The following SV2C variants were observed in gnomAD, a reference collection of about 807,000 sequenced individuals.
The protein encoded by SV2C is synaptic vesicle glycoprotein 2C, also known as solute carrier family 22 member B3.
A neutral mutation model predicts 79.7 loss-of-function variants in SV2C; 49 were observed. The ratio of observed to expected loss-of-function variants is 0.61; its 90% confidence interval spans 0.49 to 0.78. The LOEUF (loss-of-function observed/expected upper bound fraction) is 0.78. Ranked by LOEUF, SV2C falls within the 30% of genes least tolerant of loss-of-function variation. The pLI is 0.00. For missense variants in SV2C, 833 were observed against 912.9 expected, an observed-to-expected ratio of 0.91 and a Z score of 1.13; for synonymous variants, 334 against 333.2, an observed-to-expected ratio of 1.00 and a Z score of -0.03.
At chr5:76,245,553 G>A (rs1349875234) in intron 4 of SV2C, among the ~76,000 whole-genome samples, 1 of 152,186 alleles carries the variant, frequency 6.6e-6, no homozygotes, top group African/African-American at 2.4e-5. Context: ...GTTCAAAAAT[G>A]TATTGATGTC....
At chr5:76,017,609 A>C in the SV2C span, among the ~76,000 whole-genome samples, 1 of 152,140 alleles carries the variant, frequency 6.6e-6, no homozygotes, top group East Asian at 1.9e-4. Flanking sequence ...GCATTTTAGC[A>C]TTTCCTCATT....
In SV2C at chr5:76,330,004, G is replaced by C. The variant is rs1404797395; in HGVS notation, c.*4457G>C. ...GGACTATATGTTTCTCACAGTTTTT[G>C]TTTATGCTCAGCAAAGTATGTATTT... On this transcript the variant is annotated 3_prime_UTR_variant, in exon 13 of 13. Coordinates refer to ENST00000502798, the MANE Select transcript of SV2C (RefSeq NM_014979.4). 3 of 149,016 alleles carry C rather than the reference G, an allele frequency of 2.0e-5. No individual in the cohort carries two copies. Among genetic ancestry groups the C allele is most frequent in the Non-Finnish European group, 4.4e-5 (3 of 67,534 alleles). 9.2% of individuals were successfully genotyped at this position (149,016 alleles called of 1,614,324 possible). A position where few individuals can be genotyped will look rare whatever the true frequency, so the allele number is the denominator to read the frequency against.
the SV2C span, among the ~76,000 whole-genome samples, chr5:75,871,699 T>G: frequency 6.6e-6 from 1 of 151,330 alleles, no homozygotes; most frequent in Admixed American, 6.6e-5. Context: ...TCCCAACTAT[T>G]AGGGAGGCTG....
chr5:76,142,665 G>T (rs1749293396), intron 2 of SV2C, among the ~76,000 whole-genome samples: 1 of 152,056 alleles, frequency 6.6e-6, no homozygotes, highest in Admixed American at 6.6e-5. Context: ...TTTTGTTTGG[G>T]ACATTTAGTT....
chr5:76,242,790 T>C (rs1745827935), intron 4 of SV2C, among the ~76,000 whole-genome samples: 1 of 151,788 alleles, frequency 6.6e-6, no homozygotes, highest in African/African-American at 2.4e-5. Flanking sequence ...CTCAGCACTT[T>C]AGGAGCCTGA....
chr5:76,043,894 T>C, the SV2C span, among the ~76,000 whole-genome samples: 1 of 152,146 alleles, frequency 6.6e-6, no homozygotes, highest in Non-Finnish European at 1.5e-5. Flanking sequence ...TCATTTTTCT[T>C]TTTCTAATTT....
chr5:76,053,951 T>C, the SV2C span, among the ~76,000 whole-genome samples: 1 of 152,080 alleles, frequency 6.6e-6, no homozygotes, highest in East Asian at 1.9e-4. Flanking sequence ...TTATAATTTT[T>C]TTAATGGTTA....
chr5:75,940,906 GCCTAGGAT>G, the SV2C span, among the ~76,000 whole-genome samples: 1 of 152,168 alleles, frequency 6.6e-6, no homozygotes. Flanking sequence ...TTCACCACTT[GCCTAGGAT>G]CCTAAAGCTC....
intron 4 of SV2C, among the ~76,000 whole-genome samples, chr5:76,279,050 G>A (rs1231366134): frequency 6.6e-6 from 1 of 152,154 alleles, no homozygotes. Flanking sequence ...TGAACATTGG[G>A]GATTGTGAGG....
the SV2C span, among the ~76,000 whole-genome samples, chr5:75,889,032 C>T: frequency 7.2e-5 from 11 of 152,056 alleles, no homozygotes; most frequent in Admixed American, 7.2e-4. Context: ...GTAATCTTCT[C>T]TTCTTATAAG....
At chr5:76,069,636 A>G in the SV2C span, among the ~76,000 whole-genome samples, 23 of 152,206 alleles carry the variant, frequency 1.5e-4, no homozygotes, top group Admixed American at 1.5e-3. Flanking sequence ...ATGCAGAGGC[A>G]GCCGAATCAT....
intron 4 of SV2C, among the ~76,000 whole-genome samples, chr5:76,220,497 C>A (rs1004656752): frequency 1.3e-5 from 2 of 151,816 alleles, no homozygotes; most frequent in Non-Finnish European, 2.9e-5. Flanking sequence ...CATGGCAAAA[C>A]CCCATCTCTA....
intron 12 of SV2C, among the ~76,000 whole-genome samples, chr5:76,312,399 C>A (rs1016590189): frequency 6.6e-6 from 1 of 152,070 alleles, no homozygotes; most frequent in African/African-American, 2.4e-5. Flanking sequence ...ATTATAGGTG[C>A]CTTCCACCAC....
intron 1 of SV2C, among the ~76,000 whole-genome samples, chr5:76,131,344 G>A (rs1580291800): frequency 6.6e-6 from 1 of 152,100 alleles, no homozygotes; most frequent in Admixed American, 6.6e-5. Context: ...TTTTAAAGAT[G>A]CAAGATGCTC....
At chr5:75,972,692 A>G in the SV2C span, among the ~76,000 whole-genome samples, 3 of 151,986 alleles carry the variant, frequency 2.0e-5, no homozygotes, top group African/African-American at 7.3e-5. Context: ...TGCTGGAGAG[A>G]ATGTGGAGAA....
chr5:76,306,143 G>C (rs780959546), intron 12 of SV2C, among the ~76,000 whole-genome samples: 1 of 152,146 alleles, frequency 6.6e-6, no homozygotes, highest in African/African-American at 2.4e-5. Context: ...AAACTCCTGC[G>C]CTCAAGTGAT....
At chr5:76,244,733 T>C (rs527798215) in intron 4 of SV2C, among the ~76,000 whole-genome samples, 6 of 152,352 alleles carry the variant, frequency 3.9e-5, no homozygotes, top group African/African-American at 1.4e-4. Context: ...ACATACTTAA[T>C]GGTTTTTGAA....
chr5:76,336,700 G>A (rs1474258156), downstream of SV2C, among the ~76,000 whole-genome samples: 2 of 152,038 alleles, frequency 1.3e-5, no homozygotes, highest in South Asian at 2.1e-4. Context: ...AGACCAGCCC[G>A]GCCAACACAG....
At chr5:76,164,721 AGTGTGT>A (rs10651569) in intron 2 of SV2C, among the ~76,000 whole-genome samples, 17 of 141,794 alleles carry the variant, frequency 1.2e-4, no homozygotes, top group African/African-American at 2.9e-4. Flanking sequence ...GATGGAACTC[AGTGTGT>A]GTGTGTGTGT....
Sources: allele counts gnomAD v4.1 joint callset (sites outside exome capture counted in the v4.1 genomes callset), GRCh38; gene constraint gnomAD v4.1.1; transcripts MANE v1.5; gene names NCBI Gene and HGNC (gene_info 2026-07-23, HGNC 2026-07-21).